The following CATSPERT variants were observed in gnomAD, a reference collection of about 807,000 sequenced individuals.
CATSPERT encodes the protein cation channel sperm-associated targeting subunit tau.
chr2:201,611,062 T>A, the CATSPERT span, among the ~76,000 whole-genome samples: 1 of 152,148 alleles, frequency 6.6e-6, no homozygotes, highest in South Asian at 2.1e-4. Context: ...AGAACTAGAA[T>A]AAGACAAGAA....
At chr2:201,618,330 C>G in the CATSPERT span, among the ~76,000 whole-genome samples, 12,539 of 152,110 alleles carry the variant, frequency 0.082, 836 homozygotes, top group African/African-American at 0.18. Context: ...CAATGACAGA[C>G]TGGATTAAGA....
chr2:201,604,483 G>GTT, the CATSPERT span: 1 of 482,640 alleles, frequency 2.1e-6, no homozygotes. Context: ...TTATTACAAT[G>GTT]TTTTTCTGAC....
the CATSPERT span, among the ~76,000 whole-genome samples, chr2:201,611,854 T>G: frequency 1.3e-5 from 2 of 152,212 alleles, no homozygotes; most frequent in Non-Finnish European, 2.9e-5. Flanking sequence ...CTTTGCCGTT[T>G]AGGTCTCCAT....
chr2:201,612,715 G>A, the CATSPERT span, among the ~76,000 whole-genome samples: 1 of 152,172 alleles, frequency 6.6e-6, no homozygotes, highest in Middle Eastern at 3.4e-3. Flanking sequence ...ACTGGGGCTT[G>A]TCAGACAGTG....
the CATSPERT span, among the ~76,000 whole-genome samples, chr2:201,563,655 T>C: frequency 9.2e-5 from 14 of 152,362 alleles, no homozygotes; most frequent in African/African-American, 3.4e-4. Context: ...TAATTTATAA[T>C]TTACTTGTTT....
chr2:201,522,429 A>G, the CATSPERT span, among the ~76,000 whole-genome samples: 2 of 152,088 alleles, frequency 1.3e-5, no homozygotes, highest in South Asian at 2.1e-4. Flanking sequence ...GCACACTCCA[A>G]GCAGATCTTC....
the CATSPERT span, among the ~76,000 whole-genome samples, chr2:201,533,439 T>G: frequency 4.6e-5 from 7 of 152,310 alleles, no homozygotes; most frequent in Non-Finnish European, 8.8e-5. Context: ...ATATGCCTCA[T>G]GTTTTCCCTC....
the CATSPERT span, chr2:201,556,140 A>G: frequency 6.6e-6 from 1 of 152,228 alleles, no homozygotes; most frequent in Non-Finnish European, 1.5e-5. Context: ...ATGCCCCCAT[A>G]TATTAATATA....
chr2:201,522,170 C>T, the CATSPERT span, among the ~76,000 whole-genome samples: 1 of 152,052 alleles, frequency 6.6e-6, no homozygotes, highest in African/African-American at 2.4e-5. Flanking sequence ...AGTAATTAGC[C>T]AAGAGAAAGA....
the CATSPERT span, chr2:201,545,492 C>A: frequency 8.4e-6 from 10 of 1,185,332 alleles, no homozygotes; most frequent in South Asian, 1.4e-5. Context: ...GTGATATAAT[C>A]ACTTTGATTT....
chr2:201,536,289 G>A, the CATSPERT span: 2 of 1,605,158 alleles, frequency 1.2e-6, no homozygotes, highest in Non-Finnish European at 1.7e-6. Flanking sequence ...AGTTGGTATA[G>A]TCAGGCCTTT....
At chr2:201,487,606 C>G in the CATSPERT span, 8 of 1,608,206 alleles carry the variant, frequency 5.0e-6, no homozygotes, top group Non-Finnish European at 6.8e-6. Flanking sequence ...AATGAGCGAA[C>G]ATTTTTCAAT....
At chr2:201,561,294 G>A in the CATSPERT span, among the ~76,000 whole-genome samples, 8,373 of 152,238 alleles carry the variant, frequency 0.055, 282 homozygotes, top group African/African-American at 0.08. Flanking sequence ...GAAACATAAT[G>A]GTGGGTAATG....
At chr2:201,602,316 T>C in the CATSPERT span, among the ~76,000 whole-genome samples, 1 of 152,170 alleles carries the variant, frequency 6.6e-6, no homozygotes, top group African/African-American at 2.4e-5. Flanking sequence ...TCATTTATAC[T>C]ATATTGGTCT....
At chr2:201,590,692 A>C in the CATSPERT span, among the ~76,000 whole-genome samples, 46 of 152,194 alleles carry the variant, frequency 3.0e-4, no homozygotes, top group African/African-American at 9.4e-4. Context: ...CTGGTGTGAG[A>C]TGGTATCTCA....
At chr2:201,613,184 G>A in the CATSPERT span, among the ~76,000 whole-genome samples, 1 of 152,222 alleles carries the variant, frequency 6.6e-6, no homozygotes, top group South Asian at 2.1e-4. Context: ...ATCCCTGTCT[G>A]ACAGCTTTGA....
chr2:201,570,660 C>A, the CATSPERT span, among the ~76,000 whole-genome samples: 15 of 152,120 alleles, frequency 9.9e-5, no homozygotes, highest in Non-Finnish European at 2.1e-4. Flanking sequence ...AGGGCCTGAA[C>A]TCTCAATCAC....
chr2:201,584,610 C>G, the CATSPERT span, among the ~76,000 whole-genome samples: 1 of 151,846 alleles, frequency 6.6e-6, no homozygotes, highest in East Asian at 1.9e-4. Flanking sequence ...TGGTGAAACC[C>G]CATCTTTACT....
chr2:201,544,359 T>G, the CATSPERT span, among the ~76,000 whole-genome samples: 1 of 152,214 alleles, frequency 6.6e-6, no homozygotes, highest in African/African-American at 2.4e-5. Flanking sequence ...TTTATAATCC[T>G]TTGGGTACAT....
Sources: gnomAD v4.1 joint callset for allele counts (sites outside exome capture counted in the v4.1 genomes callset) on GRCh38, gnomAD v4.1.1 for gene constraint, MANE v1.5 for transcripts, NCBI Gene and HGNC (gene_info 2026-07-23, HGNC 2026-07-21) for gene names.